ATP1A3: variants seen among roughly 807,000 people sequenced by gnomAD.
ATP1A3 encodes ATPase Na+/K+ transporting subunit alpha 3.
Under a neutral mutation model 108.8 loss-of-function variants are expected in ATP1A3, and 12 were observed. The observed-to-expected ratio is 0.11, with a 90% confidence interval of 0.07 to 0.18. ATP1A3 has a LOEUF of 0.18. Among genes scored for constraint, ATP1A3 ranks in the 10% least tolerant of loss-of-function variants. The pLI, the probability that ATP1A3 is intolerant of heterozygous loss-of-function variation, is 1.00. For synonymous variants in ATP1A3, 539 were observed against 564.5 expected (o/e 0.95, Z 0.64); for missense variants, 498 against 1,387.7 (o/e 0.36, Z 10.19).
At chr19:41,975,208 T>C (rs2075153151) in intron 16 of ATP1A3, among the ~76,000 whole-genome samples, 2 of 152,150 alleles carry the variant, frequency 1.3e-5, no homozygotes, top group African/African-American at 4.8e-5. Context: ...ACCGCCACAA[T>C]GCCCGGCTAA....
chr19:41,984,715 G>A (rs1429509231), intron 8 of ATP1A3: 1 of 608,816 alleles, frequency 1.6e-6, no homozygotes, highest in African/African-American at 1.8e-5. Context: ...TCTTTCACAA[G>A]AATACTGTGA....
rs1555859278 is a variant in ATP1A3, at chr19:41,969,397, TTAC to T, written c.2688+35_2688+37del. The T allele has an allele frequency of 3.7e-6, 6 of 1,613,836 alleles. No homozygotes were observed. The Admixed American group carries it at 5.0e-5, about 13-fold the overall frequency. On this transcript the variant is annotated intron_variant, in intron 19 of 22. Transcript: ENST00000648268. ...GCTGGAACAGCTCACCCCGGGGATC[TTAC>T]GGTGGGCAGAGACACAGCACCCTGC...
intron 16 of ATP1A3, among the ~76,000 whole-genome samples, chr19:41,970,920 C>G (rs535562970): frequency 6.6e-6 from 1 of 151,880 alleles, no homozygotes; most frequent in East Asian, 1.9e-4. Context: ...GCGTGAGCCA[C>G]CGCGCCCGGC....
In ATP1A3 at chr19:41,986,739, ATTT is replaced by A. The variant is rs11287033; in HGVS notation, c.358-513_358-511del. On this transcript the variant is annotated intron_variant, in intron 4 of 22. Coordinates refer to ENST00000648268, the MANE Select transcript of ATP1A3 (RefSeq NM_152296.5). ...ACAGGTGTGAGCCATCTTTCCTGGC[ATTT>A]TTTTTTTTTTTTTTTTTTGAGACAG... 868 of 96,600 alleles carry A rather than the reference ATTT, an allele frequency of 9.0e-3. 2 individuals carry two copies. The highest frequency in any genetic ancestry group is 0.012 in the African/African-American group (276 of 22,748). 6.0% of individuals were successfully genotyped at this position (96,600 alleles called of 1,614,324 possible).
In ATP1A3 at chr19:41,982,222, G is replaced by A. The variant is rs1046326760; in HGVS notation, c.994-116C>T. ...GCCCCCAGAGAATCCTGAGGGCCTG[G>A]AAAAGAATGAGGCAGCACCCAGCAA... On this transcript the variant is annotated intron_variant, in intron 8 of 22. Transcript: ENST00000648268. 1.0e-5 allele frequency: 16 copies of A among 1,565,192 alleles called. No homozygotes were observed. The South Asian group carries it at 1.6e-4, about 15-fold the overall frequency.
intron 4 of ATP1A3, chr19:41,986,635 G>A: frequency 3.9e-6 from 1 of 255,580 alleles, no homozygotes; most frequent in East Asian, 1.0e-4. Flanking sequence ...TAGAGATGGG[G>A]CTTCACCATG....
rs1568865147 is a variant in ATP1A3, at chr19:41,985,722, G to T, written c.606+142C>A. 1 of 1,296,248 alleles carries T rather than the reference G, an allele frequency of 7.7e-7. No homozygotes were observed. The highest frequency in any genetic ancestry group is 1.0e-6 in the Non-Finnish European group (1 of 952,538). 80.3% of individuals were successfully genotyped at this position (1,296,248 alleles called of 1,614,324 possible). ...GGCCTAAACTCCTGGGTCTGAGGGA[G>T]GAGGGCCTGGGGGCCTGGACTCCTG... On this transcript the variant is annotated intron_variant, in intron 6 of 22. Transcript: ENST00000648268. The surrounding 1 kb of genome is among the most constrained non-coding windows in gnomAD (Gnocchi z 8.2).
At chr19:41,969,822 G>A (rs1440075116) in intron 18 of ATP1A3, among the ~76,000 whole-genome samples, 1 of 152,196 alleles carries the variant, frequency 6.6e-6, no homozygotes, top group Non-Finnish European at 1.5e-5. Flanking sequence ...ATAACCTGGA[G>A]CCCCTCTCTC....
chr19:41,973,148 G>C lies in ATP1A3; in HGVS notation c.2263+2481C>G, dbSNP rs1176491960. Among the ~76,000 whole-genome samples, 75 of 152,216 alleles carry C rather than the reference G, an allele frequency of 4.9e-4. 1 individual carries two copies. Among genetic ancestry groups the C allele is most frequent in the Admixed American group, 4.9e-3 (75 of 15,276 alleles). On this transcript the variant is annotated intron_variant, in intron 16 of 22. Coordinates refer to ENST00000648268, the MANE Select transcript of ATP1A3 (RefSeq NM_152296.5). ...TTCCAGGTGGTGGGGAAGAAACAAG[G>C]TGTGCCGTGCGCTGACTGCCGCTGC...
At chr19:41,976,669 G>C in intron 14 of ATP1A3, 103 bp from the exon 15 acceptor site, 1 of 1,525,908 alleles carries the variant, frequency 6.6e-7, no homozygotes, top group Non-Finnish European at 8.9e-7. Flanking sequence ...CCACAACCAG[G>C]AGAGCCAGAG....
At chr19:41,986,272 C>A in intron 4 of ATP1A3, 43 bp from the exon 5 acceptor site, 1 of 1,591,506 alleles carries the variant, frequency 6.3e-7, no homozygotes, top group Non-Finnish European at 8.6e-7. Context: ...CCGCCCAAGC[C>A]ACTCTCCACC....
At chr19:41,975,273 G>A (rs1361727526) in intron 16 of ATP1A3, among the ~76,000 whole-genome samples, 2 of 152,160 alleles carry the variant, frequency 1.3e-5, no homozygotes, top group Non-Finnish European at 2.9e-5. Context: ...GGATGGTCTC[G>A]ATCTTCTGAC....
chr19:41,991,360 G>T (rs1267028661), intron 1 of ATP1A3, among the ~76,000 whole-genome samples: 1 of 152,196 alleles, frequency 6.6e-6, no homozygotes, highest in Non-Finnish European at 1.5e-5. Context: ...GGGTGCAGGG[G>T]GTGGGAGGGA....
Position 41,978,781 on chromosome 19 carries a change from G to A in ATP1A3, c.1455C>T (p.Thr485=), listed in dbSNP as rs372153087. ...TNKYQLSIHE[T]EDPNDNRYLL... ...GGTATCGGTTGTCGTTGGGGTCCTC[G>A]GTCTCATGGATGGAGAGCTGGGGAC... The change falls in exon 12 of 23, where the codon ACC becomes ACT. Residue 485 remains threonine, a synonymous_variant. Coordinates refer to ENST00000648268, the MANE Select transcript of ATP1A3 (RefSeq NM_152296.5). This position sits in a 1 kb window ranked among gnomAD's most constrained non-coding sequence, Gnocchi z 8.3. The A allele has an allele frequency of 3.7e-5, 60 of 1,613,762 alleles. No individual in the cohort carries two copies. The highest frequency in any genetic ancestry group is 5.0e-5 in the Non-Finnish European group (59 of 1,179,956).
At position 41,993,898 on chromosome 19, in the gene ATP1A3, C is replaced by T. The variant is rs540722665; in HGVS notation, c.6+173G>A. 8.6e-4 allele frequency: 1,065 copies of T among 1,236,972 alleles called. 3 individuals carry two copies. The highest frequency in any genetic ancestry group is 1.1e-3 in the Non-Finnish European group (977 of 895,620). 76.6% of individuals were successfully genotyped at this position (1,236,972 alleles called of 1,614,324 possible). A position where few individuals can be genotyped will look rare whatever the true frequency, so the allele number is the denominator to read the frequency against. ...CCAACGTGCGCCACAGACCCCCCGC[C>T]GCCCCCTGCGGCCCCACGACCACAT... On this transcript the variant is annotated intron_variant, in intron 1 of 22. Transcript: ENST00000648268.
chr19:41,970,827 T>A (rs2075098501), intron 16 of ATP1A3, among the ~76,000 whole-genome samples: 1 of 150,244 alleles, frequency 6.7e-6, no homozygotes, highest in South Asian at 2.1e-4. Context: ...AGAGACGGGG[T>A]TTCACTGTGT....
At position 41,985,331 on chromosome 19, in the gene ATP1A3, GGTGAT is replaced by G; in HGVS notation, c.694_698del (p.Ile232LeufsTer46). On this transcript the variant is annotated frameshift_variant, in exon 7 of 23. Transcript: ENST00000648268. LOFTEE classifies it high-confidence loss of function. The surrounding 1 kb of genome is among the most constrained non-coding windows in gnomAD (Gnocchi z 8.2). ...CTTCCACACAGTTGGTGGAAAAGAA[GGTGAT>G]GTTCCGAGTCTCCAAGGGGTTGTCG... is the stretch of plus-strand genomic sequence containing the variant. 1 of 1,614,234 alleles carries G rather than the reference GGTGAT, an allele frequency of 6.2e-7. No homozygotes were observed. Among genetic ancestry groups the G allele is most frequent in the Non-Finnish European group, 8.5e-7 (1 of 1,180,026 alleles).
At position 41,969,677 on chromosome 19, in the gene ATP1A3, G is replaced by A. The variant is rs1599705402; in HGVS notation, c.2543-97C>T. 3.3e-6 allele frequency: 5 copies of A among 1,501,732 alleles called. No homozygotes were observed. The East Asian group carries it at 6.8e-5, about 20-fold the overall frequency. The allele number at this position is 1,501,732 out of a possible 1,614,324, so 93.0% of individuals were successfully genotyped here. On this transcript the variant is annotated intron_variant, in intron 18 of 22. Transcript: ENST00000648268. ...GGGCCCGGAGGCCTCCTTGGAGAGGGGAGTATGCCCTCCTGGCCCTGTTAT... is the reference window on the plus strand; with the variant it reads ...GGGCCCGGAGGCCTCCTTGGAGAGGAGAGTATGCCCTCCTGGCCCTGTTAT...
At position 41,985,894 on chromosome 19, in the gene ATP1A3, G is replaced by A. The variant is rs2075282355; in HGVS notation, c.576C>T (p.Asp192=). 1.2e-6 allele frequency: 2 copies of A among 1,614,116 alleles called. No homozygotes were observed. Among genetic ancestry groups the A allele is most frequent in the East Asian group, 4.5e-5 (2 of 44,870 alleles). ...EIKGGDRVPA[D]LRIISAHGCK... ...AGCCGTGGGCTGAGATGATCCGCAG[G>A]TCAGCTGGCACTCGGTCTCCACCCT... The change falls in exon 6 of 23, where the codon GAC becomes GAT. Residue 192 remains aspartate (D), a synonymous_variant. Coordinates refer to ENST00000648268, the MANE Select transcript of ATP1A3 (RefSeq NM_152296.5). The surrounding 1 kb of genome is among the most constrained non-coding windows in gnomAD (Gnocchi z 8.2).
Sources: gnomAD v4.1 joint callset for allele counts (sites outside exome capture counted in the v4.1 genomes callset) on GRCh38, gnomAD v4.1.1 for gene constraint, Gnocchi (gnomAD v3.1) non-coding constraint, MANE v1.5 for transcripts, NCBI Gene and HGNC (gene_info 2026-07-23, HGNC 2026-07-21) for gene names.